SOX5: variants seen among roughly 807,000 people sequenced by gnomAD.
SOX5 encodes the protein SRY-box transcription factor 5.
Under a neutral mutation model 92.0 loss-of-function variants are expected in SOX5, and 9 were observed. The observed-to-expected ratio is 0.10, with a 90% CI of 0.06 to 0.17. The LOEUF (loss-of-function observed/expected upper bound fraction) is 0.17, where lower values mean the gene tolerates loss of function less well. SOX5 is among the 10% of genes least tolerant of loss of function. The pLI, the probability that SOX5 is intolerant of heterozygous loss-of-function variation, is 1.00. For missense variants in SOX5, 642 were observed against 944.5 expected, an observed-to-expected ratio of 0.68 and a Z score of 4.20; for synonymous variants, 344 against 336.3, an observed-to-expected ratio of 1.02 and a Z score of -0.25.
intron 12 of SOX5, among the ~76,000 whole-genome samples, chr12:23,544,624 T>A (rs992808476): frequency 1.3e-5 from 2 of 152,200 alleles, no homozygotes; most frequent in African/African-American, 4.8e-5. Flanking sequence ...TATTTTTCAT[T>A]AATAACATGC....
chr12:24,560,440 A>C (rs1014990206), intron 1 of SOX5, among the ~76,000 whole-genome samples: 9 of 152,222 alleles, frequency 5.9e-5, no homozygotes, highest in Non-Finnish European at 1.0e-4. Context: ...CATAATTTGC[A>C]GGAGAACTTT....
intron 3 of SOX5, among the ~76,000 whole-genome samples, chr12:23,778,720 G>A (rs2095185204): frequency 1.3e-5 from 2 of 152,182 alleles, no homozygotes; most frequent in African/African-American, 2.4e-5. Context: ...CAATGATCTT[G>A]TGTTGCAGGC....
intron 4 of SOX5, among the ~76,000 whole-genome samples, chr12:24,093,495 C>T (rs1303037340): frequency 6.6e-6 from 1 of 150,874 alleles, no homozygotes; most frequent in Non-Finnish European, 1.5e-5. Context: ...TGCACTCCAG[C>T]CTGGGCGACA....
At chr12:23,930,039 G>A (rs991718684) in intron 1 of SOX5, among the ~76,000 whole-genome samples, 2 of 151,710 alleles carry the variant, frequency 1.3e-5, no homozygotes, top group Admixed American at 6.6e-5. Context: ...TTCAAACCAC[G>A]CATTCTGGAG....
At chr12:23,917,815 A>G (rs1347998474) in intron 1 of SOX5, among the ~76,000 whole-genome samples, 1 of 152,128 alleles carries the variant, frequency 6.6e-6, no homozygotes, top group East Asian at 1.9e-4. Context: ...TTTTTATTAT[A>G]TTATATATTG....
chr12:24,144,856 C>T (rs1312547408), intron 4 of SOX5, among the ~76,000 whole-genome samples: 2 of 151,488 alleles, frequency 1.3e-5, no homozygotes, highest in Non-Finnish European at 2.9e-5. Flanking sequence ...AGCACAAAGG[C>T]TACAAGGGGA....
chr12:23,853,416 G>GT (rs2096654456), intron 2 of SOX5, among the ~76,000 whole-genome samples: 2 of 151,732 alleles, frequency 1.3e-5, no homozygotes, highest in African/African-American at 2.4e-5. Context: ...TTTAATGATG[G>GT]TGAATGAAAC....
At chr12:23,833,170 G>A (rs1021295614) in intron 3 of SOX5, among the ~76,000 whole-genome samples, 2 of 151,964 alleles carry the variant, frequency 1.3e-5, no homozygotes, top group Admixed American at 6.6e-5. Context: ...CCTGAGTCTG[G>A]AAACTCTGCT....
chr12:24,059,704 G>A (rs1416341303), intron 4 of SOX5, among the ~76,000 whole-genome samples: 2 of 152,124 alleles, frequency 1.3e-5, no homozygotes, highest in Non-Finnish European at 2.9e-5. Context: ...CAAGTCTCCA[G>A]GGAAGGGAAT....
At chr12:23,976,823 T>C (rs779903540) in intron 4 of SOX5, among the ~76,000 whole-genome samples, 1 of 152,070 alleles carries the variant, frequency 6.6e-6, no homozygotes, top group Admixed American at 6.5e-5. Context: ...TGTTGTTTTT[T>C]TTTTTAAAAC....
At position 24,157,559 on chromosome 12, in the gene SOX5, G is replaced by C. The variant is rs115879388; in HGVS notation, c.-2+55784C>G. On this transcript the variant is annotated intron_variant, in intron 4 of 4. Transcript: ENST00000446891. ...CTGTTTTAAATAGATACCTAAATGG[G>C]ATTTGGTTGGATAGATTGAAGATCC... Among the ~76,000 whole-genome samples, 324 of 152,200 alleles carry C rather than the reference G, an allele frequency of 2.1e-3. 1 individual carries two copies. The highest frequency in any genetic ancestry group is 7.1e-3 in the African/African-American group (294 of 41,554).
At chr12:23,646,055 C>T (rs1467618774) in intron 7 of SOX5, among the ~76,000 whole-genome samples, 1 of 152,162 alleles carries the variant, frequency 6.6e-6, no homozygotes, top group Non-Finnish European at 1.5e-5. Flanking sequence ...TCATCTGAGC[C>T]TTCAGTGAGT....
At chr12:24,460,408 T>C (rs1170739983) in intron 1 of SOX5, among the ~76,000 whole-genome samples, 1 of 152,094 alleles carries the variant, frequency 6.6e-6, no homozygotes, top group Non-Finnish European at 1.5e-5. Flanking sequence ...ACACTAGAAG[T>C]AACAAAAAGG....
intron 2 of SOX5, among the ~76,000 whole-genome samples, chr12:24,305,469 T>G (rs1322312596): frequency 2.0e-5 from 3 of 152,176 alleles, no homozygotes; most frequent in African/African-American, 7.2e-5. Flanking sequence ...CATAAGCAGA[T>G]AAAGAGTGTC....
chr12:24,047,076 C>T lies in SOX5; in HGVS notation c.-1-151052G>A, dbSNP rs781573845. Among the ~76,000 whole-genome samples, 6 of 152,114 alleles carry T rather than the reference C, an allele frequency of 3.9e-5. No individual in the cohort carries two copies. In the East Asian group the frequency reaches 5.8e-4, roughly 15 times the overall value. Reference sequence around the variant, plus strand: ...CTTATTTTTTCCCCCTTTGGAGGTACGAATAACACTTTCTTGGTTTTTCAG... The same window carrying T: ...CTTATTTTTTCCCCCTTTGGAGGTATGAATAACACTTTCTTGGTTTTTCAG... On this transcript the variant is annotated intron_variant, in intron 4 of 4. Transcript: ENST00000446891.
At chr12:23,968,373 T>C (rs10771048) in intron 4 of SOX5, among the ~76,000 whole-genome samples, 42,920 of 152,126 alleles carry the variant, frequency 0.28, 6,572 homozygotes, top group African/African-American at 0.4. Flanking sequence ...GGTTTGAATA[T>C]GTCCCCCAAA....
At chr12:23,588,314 T>C (rs1181467567) in intron 9 of SOX5, among the ~76,000 whole-genome samples, 2 of 152,060 alleles carry the variant, frequency 1.3e-5, no homozygotes, top group African/African-American at 4.8e-5. Context: ...ATTTTGGATT[T>C]GTATCAAAGC....
chr12:23,699,099 T>C (rs1211422863), intron 6 of SOX5, among the ~76,000 whole-genome samples: 1 of 152,198 alleles, frequency 6.6e-6, no homozygotes, highest in Non-Finnish European at 1.5e-5. Flanking sequence ...AGATTTCTAG[T>C]GAAAAAGAGT....
chr12:24,368,666 T>G (rs1162000916), intron 1 of SOX5: 2 of 152,180 alleles, frequency 1.3e-5, no homozygotes, highest in Non-Finnish European at 2.9e-5. Flanking sequence ...ACCCCATAAA[T>G]GAGTTTGCAT....
Sources: allele counts gnomAD v4.1 joint callset (sites outside exome capture counted in the v4.1 genomes callset), GRCh38; gene constraint gnomAD v4.1.1; transcripts MANE v1.5; gene names NCBI Gene and HGNC (gene_info 2026-07-23, HGNC 2026-07-21).